The following TIA1 variants were observed in gnomAD, a reference collection of about 807,000 sequenced individuals.
TIA1 encodes the protein TIA1 cytotoxic granule associated RNA binding protein.
In TIA1, 23 loss-of-function variants were observed where a neutral mutation model predicts 65.9. That is an observed-to-expected ratio of 0.35 (90% CI 0.25 to 0.49). The LOEUF (loss-of-function observed/expected upper bound fraction) is 0.49. TIA1 is among the 20% of genes least tolerant of loss of function. The probability of loss-of-function intolerance (pLI) is 0.98; values close to 1 mark genes in which losing one functional copy is unlikely to be tolerated. For missense variants in TIA1, 371 were observed against 477.9 expected (o/e 0.78, Z 2.09); for synonymous variants, 147 against 149.4 (o/e 0.98, Z 0.12).
chr2:70,245,199 T>C (rs1287807005), intron 1 of TIA1, among the ~76,000 whole-genome samples: 1 of 152,100 alleles, frequency 6.6e-6, no homozygotes, highest in Non-Finnish European at 1.5e-5. Context: ...GTTGCCCAGG[T>C]TGGTCTCAAA....
Position 70,248,465 on chromosome 2 carries a change from G to C in TIA1, c.-35C>G. ...TGTCGCGGCGGCGCCTCCAGGTCCA[G>C]CTCCCTGCCCTTCACTACCTCCCAA... On this transcript the variant is annotated 5_prime_UTR_variant, in exon 1 of 13. Coordinates refer to ENST00000433529, the MANE Select transcript of TIA1 (RefSeq NM_022173.4). 2 of 1,600,822 alleles carry C rather than the reference G, an allele frequency of 1.2e-6. No individual in the cohort carries two copies. The highest frequency in any genetic ancestry group is 1.7e-6 in the Non-Finnish European group (2 of 1,179,958).
chr2:70,222,832 T>C (rs1467704885), intron 7 of TIA1, among the ~76,000 whole-genome samples: 5 of 152,230 alleles, frequency 3.3e-5, no homozygotes, highest in African/African-American at 9.6e-5. Flanking sequence ...AAGAATTGCT[T>C]GAACCCAGGA....
chr2:70,246,290 G>C (rs1313406528), intron 1 of TIA1, among the ~76,000 whole-genome samples: 1 of 152,186 alleles, frequency 6.6e-6, no homozygotes, highest in Non-Finnish European at 1.5e-5. Context: ...AACATATATT[G>C]AGAGGCTGTG....
chr2:70,232,462 C>T (rs1166820045), intron 2 of TIA1, among the ~76,000 whole-genome samples: 13 of 127,818 alleles, frequency 1.0e-4, no homozygotes, highest in Non-Finnish European at 1.9e-4. Context: ...ATCGCTTGAA[C>T]CCTGGAGGCG....
At position 70,215,414 on chromosome 2, in the gene TIA1, T is replaced by C. The variant is rs773608862; in HGVS notation, c.845A>G (p.Tyr282Cys). The C allele has an allele frequency of 1.2e-6, 2 of 1,614,082 alleles. No homozygotes were observed. The highest frequency in any genetic ancestry group is 1.1e-5 in the South Asian group (1 of 91,078). ...CATATCAAGAGTTTCTTTGCCCCAATAGCATTTCACAACATGACCTTCAAT... is the reference window on the plus strand; with the variant it reads ...CATATCAAGAGTTTCTTTGCCCCAACAGCATTTCACAACATGACCTTCAAT... Reference protein sequence around the residue: ...TTIEGHVVKCYWGKETLDMIN... With the variant: ...TTIEGHVVKCCWGKETLDMIN... Residue 282 changes from tyrosine (Y) to cysteine (C), a missense_variant, in exon 11 of 13, where the codon TAT (tyrosine) becomes TGT (cysteine). By Grantham distance (194) the Tyr-to-Cys change is radical. Transcript: ENST00000433529.
intron 6 of TIA1, among the ~76,000 whole-genome samples, chr2:70,226,886 T>C (rs1684042211): frequency 6.6e-6 from 1 of 152,132 alleles, no homozygotes; most frequent in Non-Finnish European, 1.5e-5. Flanking sequence ...GAACGATAAC[T>C]CTTCAAACGA....
rs1677188486 is a variant in TIA1 at position 70,213,467 on chromosome 2, C to A, written c.1035-622G>T. ...TCAAGCGATTCTCCTACCTCAGTCTCCCGAACATCTGGGATTATAGGCACG... is the reference window on the plus strand; with the variant it reads ...TCAAGCGATTCTCCTACCTCAGTCTACCGAACATCTGGGATTATAGGCACG... On this transcript the variant is annotated intron_variant, in intron 12 of 12. Coordinates refer to ENST00000433529, the MANE Select transcript of TIA1 (RefSeq NM_022173.4). Among the ~76,000 whole-genome samples, 5 of 151,400 alleles carry A rather than the reference C, an allele frequency of 3.3e-5. No individual in the cohort carries two copies. In the South Asian group the frequency reaches 1.0e-3, roughly 32 times the overall value.
Position 70,210,040 on chromosome 2 carries a change from C to T in TIA1, c.*2679G>A, listed in dbSNP as rs1676095047. On this transcript the variant is annotated 3_prime_UTR_variant, in exon 13 of 13. Coordinates refer to ENST00000433529, the MANE Select transcript of TIA1 (RefSeq NM_022173.4). Reference sequence around the variant, plus strand: ...ACCCTGGTTTCATAATTAATTAAATCTGCAGAATGCCAATTCCATTTGGTG... The same window carrying T: ...ACCCTGGTTTCATAATTAATTAAATTTGCAGAATGCCAATTCCATTTGGTG... The T allele has an allele frequency of 7.8e-6, 2 of 256,230 alleles. No individual in the cohort carries two copies. Among genetic ancestry groups the T allele is most frequent in the Admixed American group, 5.5e-5 (1 of 18,342 alleles). 15.9% of individuals were successfully genotyped at this position (256,230 alleles called of 1,614,324 possible). A position where few individuals can be genotyped will look rare whatever the true frequency, so the allele number is the denominator to read the frequency against.
At chr2:70,219,177 G>GCC (rs1680081942) in intron 7 of TIA1, among the ~76,000 whole-genome samples, 1 of 152,140 alleles carries the variant, frequency 6.6e-6, no homozygotes, top group South Asian at 2.1e-4. Context: ...CTAGGACAGA[G>GCC]CCCTGAAAAA....
chr2:70,231,921 C>G (rs910563726), intron 2 of TIA1, among the ~76,000 whole-genome samples: 1 of 151,984 alleles, frequency 6.6e-6, no homozygotes. Flanking sequence ...ATTATCTTCC[C>G]GCCAGGCGCA....
intron 7 of TIA1, among the ~76,000 whole-genome samples, chr2:70,221,226 C>T (rs765145695): frequency 1.3e-5 from 2 of 151,884 alleles, no homozygotes; most frequent in Admixed American, 6.6e-5. Context: ...AGGCTGGTCT[C>T]GAACTTCTGA....
intron 12 of TIA1, among the ~76,000 whole-genome samples, chr2:70,213,260 T>G (rs1434260821): frequency 6.6e-6 from 1 of 151,990 alleles, no homozygotes; most frequent in East Asian, 1.9e-4. Flanking sequence ...AGGAACATTA[T>G]ACTACTCAAA....
chr2:70,212,340 T>G lies in TIA1; in HGVS notation c.*379A>C, dbSNP rs1676693957. 1.2e-5 allele frequency: 2 copies of G among 167,824 alleles called. No individual in the cohort carries two copies. The highest frequency in any genetic ancestry group is 2.6e-5 in the Non-Finnish European group (2 of 76,238). 10.4% of individuals were successfully genotyped at this position (167,824 alleles called of 1,614,324 possible). ...GGTTTTTTTTTTTAACATCTTTATA[T>G]TACATGTTTTAAATCATATCAGGAA... On this transcript the variant is annotated 3_prime_UTR_variant, in exon 13 of 13. Coordinates refer to ENST00000433529, the MANE Select transcript of TIA1 (RefSeq NM_022173.4).
chr2:70,217,098 G>A, intron 7 of TIA1, 104 bp from the exon 8 acceptor site: 1 of 1,177,504 alleles, frequency 8.5e-7, no homozygotes, highest in Non-Finnish European at 1.2e-6. Context: ...ATGTTTAAGT[G>A]AAAATGCTCT....
chr2:70,229,345 T>C (rs1685109386), intron 3 of TIA1, 27 bp from the exon 4 acceptor site: 6 of 1,581,856 alleles, frequency 3.8e-6, no homozygotes, highest in South Asian at 1.1e-5. Context: ...TCTACATTTA[T>C]ACTTCACAAA....
intron 1 of TIA1, among the ~76,000 whole-genome samples, chr2:70,248,108 C>A (rs1324992476): frequency 6.6e-6 from 1 of 152,148 alleles, no homozygotes; most frequent in African/African-American, 2.4e-5. Flanking sequence ...AAAAAGAGGT[C>A]TGAATTAAAG....
intron 8 of TIA1, 173 bp from the exon 9 acceptor site, chr2:70,216,672 T>C (rs1371046404): frequency 7.0e-7 from 1 of 1,418,494 alleles, no homozygotes; most frequent in South Asian, 1.4e-5. Context: ...GTCTAAAAAA[T>C]TACCCAGTAT....
intron 1 of TIA1, among the ~76,000 whole-genome samples, chr2:70,241,906 TAA>T (rs757159276): frequency 1.3e-4 from 17 of 135,398 alleles, no homozygotes; most frequent in Non-Finnish European, 1.6e-4. Context: ...ACCTTACCTC[TAA>T]AAAAAAAAAA....
rs1559004096 is a variant in TIA1, at chr2:70,248,396, C to G, written c.26+9G>C. On this transcript the variant is annotated intron_variant, in intron 1 of 12. Coordinates refer to ENST00000433529, the MANE Select transcript of TIA1 (RefSeq NM_022173.4). The stretch of plus-strand genomic sequence containing the variant: ...CATCCCGCCTCCCTCATCGCTGCCC[C>G]AGACTCACAGAGTCTTGGGCATCTC... 6.3e-7 allele frequency: 1 copy of G among 1,599,940 alleles called. No homozygotes were observed. The highest frequency in any genetic ancestry group is 1.3e-5 in the African/African-American group (1 of 74,912).
Sources: gnomAD v4.1 joint callset for allele counts (sites outside exome capture counted in the v4.1 genomes callset) on GRCh38, gnomAD v4.1.1 for gene constraint, MANE v1.5 for transcripts, NCBI Gene and HGNC (gene_info 2026-07-23, HGNC 2026-07-21) for gene names.